VTI1A: variants seen among roughly 807,000 people sequenced by gnomAD.
VTI1A encodes the protein vesicle transport through interaction with t-SNAREs homolog 1A.
A neutral mutation model predicts 34.9 loss-of-function variants in VTI1A; 22 were observed. The ratio of observed to expected loss-of-function variants is 0.63; its 90% CI spans 0.45 to 0.90. VTI1A has a LOEUF of 0.90. Among genes scored for constraint, VTI1A ranks in the 40% least tolerant of loss-of-function variants. The pLI is 0.00. For synonymous variants in VTI1A, 87 were observed against 97.3 expected (o/e 0.89, Z 0.62); for missense variants, 268 against 275.6 (o/e 0.97, Z 0.20).
rs116774573 is a variant in VTI1A, at chr10:112,458,268, A to G, written c.95-2256A>G. ...GATGTTCCTCCTGATACGTAAATAC[A>G]CCATCTCAGTTTTGATCCAAGATAA... On this transcript the variant is annotated intron_variant, in intron 1 of 7. Coordinates refer to ENST00000393077, the MANE Select transcript of VTI1A (RefSeq NM_145206.4). Among the ~76,000 whole-genome samples, 1,058 of 152,312 alleles carry G rather than the reference A, an allele frequency of 6.9e-3. 14 individuals are homozygous for G. Among genetic ancestry groups the G allele is most frequent in the African/African-American group, 0.025 (1,029 of 41,558 alleles).
intron 7 of VTI1A, among the ~76,000 whole-genome samples, chr10:112,750,053 C>A (rs1043443024): frequency 6.6e-6 from 1 of 152,122 alleles, no homozygotes; most frequent in Non-Finnish European, 1.5e-5. Context: ...TTAGTAGTTA[C>A]CTGGAGGTAG....
At chr10:112,597,138 C>T (rs574737376) in intron 5 of VTI1A, among the ~76,000 whole-genome samples, 1 of 152,140 alleles carries the variant, frequency 6.6e-6, no homozygotes, top group East Asian at 1.9e-4. Context: ...TCAAACAGAT[C>T]TGGGGAGAGA....
intron 5 of VTI1A, among the ~76,000 whole-genome samples, chr10:112,588,710 G>A (rs1589942072): frequency 6.6e-6 from 1 of 152,206 alleles, no homozygotes; most frequent in African/African-American, 2.4e-5. Context: ...TATTGGCCTT[G>A]CAAGCCCGTA....
intron 5 of VTI1A, among the ~76,000 whole-genome samples, chr10:112,665,385 C>T (rs1015004800): frequency 6.6e-6 from 1 of 151,404 alleles, no homozygotes; most frequent in Non-Finnish European, 1.5e-5. Flanking sequence ...ATATATTTGG[C>T]CTGAAATTTT....
intron 3 of VTI1A, among the ~76,000 whole-genome samples, chr10:112,465,321 G>A (rs1847860084): frequency 6.6e-6 from 1 of 151,066 alleles, no homozygotes; most frequent in Non-Finnish European, 1.5e-5. Flanking sequence ...ATTAATAGGA[G>A]TAGAAAAGAT....
chr10:112,447,112 C>T, upstream of VTI1A: 1 of 495,520 alleles, frequency 2.0e-6, no homozygotes, highest in Non-Finnish European at 3.7e-6. Flanking sequence ...TGGGGGGAGG[C>T]ACTAATTGGG....
At chr10:112,770,709 A>G (rs1385277209) in intron 7 of VTI1A, among the ~76,000 whole-genome samples, 2 of 151,952 alleles carry the variant, frequency 1.3e-5, no homozygotes, top group African/African-American at 2.4e-5. Flanking sequence ...CCTGGCCCCA[A>G]ATGTTTTCTT....
chr10:112,473,797 C>T (rs1848186020), intron 3 of VTI1A, among the ~76,000 whole-genome samples: 1 of 152,190 alleles, frequency 6.6e-6, no homozygotes, highest in African/African-American at 2.4e-5. Context: ...AAGTACTTTA[C>T]ATGCATTACT....
intron 7 of VTI1A, among the ~76,000 whole-genome samples, chr10:112,793,183 A>C (rs1445795255): frequency 6.6e-6 from 1 of 152,220 alleles, no homozygotes; most frequent in Admixed American, 6.5e-5. Context: ...GTTAGGAGGT[A>C]ACCGGAGGAA....
intron 3 of VTI1A, among the ~76,000 whole-genome samples, chr10:112,501,934 G>C (rs756581506): frequency 6.6e-6 from 1 of 151,158 alleles, no homozygotes; most frequent in Non-Finnish European, 1.5e-5. Context: ...TATATCCTCC[G>C]TGCTGTTTTA....
chr10:112,736,905 C>T (rs2133969244), intron 7 of VTI1A: 2 of 694,402 alleles, frequency 2.9e-6, no homozygotes, highest in South Asian at 3.2e-5. Context: ...TATAGATGCG[C>T]AGTGCATGAG....
At chr10:112,594,817 G>A (rs1437993625) in intron 5 of VTI1A, among the ~76,000 whole-genome samples, 1 of 151,822 alleles carries the variant, frequency 6.6e-6, no homozygotes, top group Non-Finnish European at 1.5e-5. Flanking sequence ...CTACTTTAAA[G>A]TTCATATGGA....
At chr10:112,506,167 G>A (rs960456874) in intron 3 of VTI1A, among the ~76,000 whole-genome samples, 6 of 152,004 alleles carry the variant, frequency 3.9e-5, no homozygotes, top group African/African-American at 7.3e-5. Context: ...AAGTCTGTAC[G>A]GCATATTACT....
intron 5 of VTI1A, among the ~76,000 whole-genome samples, chr10:112,610,918 C>CA (rs768295498): frequency 0.036 from 4,339 of 120,230 alleles, 187 homozygotes; most frequent in African/African-American, 0.11. Context: ...GACTCCATCT[C>CA]AAAAAAAAAA....
chr10:112,743,435 G>A (rs1183496671), intron 7 of VTI1A, among the ~76,000 whole-genome samples: 7 of 152,200 alleles, frequency 4.6e-5, no homozygotes, highest in Non-Finnish European at 8.8e-5. Context: ...TGTGGCTGGG[G>A]CTGGCTGTGT....
At chr10:112,576,806 A>G (rs985986237) in intron 5 of VTI1A, among the ~76,000 whole-genome samples, 1 of 152,220 alleles carries the variant, frequency 6.6e-6, no homozygotes, top group Non-Finnish European at 1.5e-5. Flanking sequence ...AAATTTTGTT[A>G]TCATGACCTA....
rs566408146 is a variant in VTI1A at position 112,503,352 on chromosome 10, G to C, written c.265-23735G>C. On this transcript the variant is annotated intron_variant, in intron 3 of 7. Coordinates refer to ENST00000393077, the MANE Select transcript of VTI1A (RefSeq NM_145206.4). Reference sequence around the variant, plus strand: ...CTTTTTAGTTCCCACATATGAATGAGAACATGTGATATTTGCCTTCGTGTG... The same window carrying C: ...CTTTTTAGTTCCCACATATGAATGACAACATGTGATATTTGCCTTCGTGTG... Among the ~76,000 whole-genome samples the C allele has an allele frequency of 2.0e-5, 3 of 152,194 alleles. No homozygotes were observed. The South Asian group carries it at 6.2e-4, about 32-fold the overall frequency.
At chr10:112,605,817 C>T (rs933192416) in intron 5 of VTI1A, among the ~76,000 whole-genome samples, 3 of 152,296 alleles carry the variant, frequency 2.0e-5, no homozygotes, top group East Asian at 1.9e-4. Context: ...AATTGGCACA[C>T]ACCCTGTCCC....
chr10:112,458,932 C>T (rs11815768), intron 1 of VTI1A, among the ~76,000 whole-genome samples: 1 of 152,102 alleles, frequency 6.6e-6, no homozygotes, highest in Non-Finnish European at 1.5e-5. Context: ...TCCCAAAGTG[C>T]TGAGGTTACA....
Sources: gnomAD v4.1 joint callset for allele counts (sites outside exome capture counted in the v4.1 genomes callset) on GRCh38, gnomAD v4.1.1 for gene constraint, MANE v1.5 for transcripts, NCBI Gene and HGNC (gene_info 2026-07-23, HGNC 2026-07-21) for gene names.